CUX2: variants seen among roughly 807,000 people sequenced by gnomAD.
The protein encoded by CUX2 is cut like homeobox 2.
CUX2 carries 40 observed loss-of-function variants against 144.8 expected under a neutral mutation model. That is an observed-to-expected ratio of 0.28 (90% confidence interval 0.21 to 0.36). The LOEUF is 0.36. Among genes scored for constraint, CUX2 ranks in the 10% least tolerant of loss-of-function variants. The pLI is 1.00. For missense variants in CUX2, 1,615 were observed against 1,994.0 expected (o/e 0.81, Z 3.62); for synonymous variants, 827 against 875.6 (o/e 0.94, Z 0.98).
intron 1 of CUX2, among the ~76,000 whole-genome samples, chr12:111,154,911 T>G (rs1877282176): frequency 6.6e-6 from 1 of 152,304 alleles, no homozygotes; most frequent in East Asian, 1.9e-4. Flanking sequence ...TTTGGGGCAC[T>G]TGGGCAGTTG....
chr12:111,193,191 C>G (rs148674273), intron 1 of CUX2, among the ~76,000 whole-genome samples: 36 of 152,244 alleles, frequency 2.4e-4, no homozygotes, highest in Non-Finnish European at 4.1e-4. Flanking sequence ...CACAGGAGTC[C>G]AGGAGAGAGG....
chr12:111,276,613 C>G (rs1486722619), intron 4 of CUX2, among the ~76,000 whole-genome samples: 1 of 151,838 alleles, frequency 6.6e-6, no homozygotes, highest in African/African-American at 2.4e-5. Context: ...TGATAGCTCA[C>G]GTAGTTGTTT....
chr12:111,151,912 C>T (rs1422726910), intron 1 of CUX2, among the ~76,000 whole-genome samples: 3 of 152,140 alleles, frequency 2.0e-5, no homozygotes, highest in Non-Finnish European at 4.4e-5. Context: ...CCAAGGCCGT[C>T]AGTGACCCAG....
chr12:111,333,070 G>A (rs942437632), intron 18 of CUX2, among the ~76,000 whole-genome samples: 10 of 152,126 alleles, frequency 6.6e-5, no homozygotes, highest in African/African-American at 2.4e-4. Flanking sequence ...TTAGCCGGGT[G>A]TGGTGGCATG....
chr12:111,123,825 C>T (rs770108847), intron 1 of CUX2, among the ~76,000 whole-genome samples: 4 of 152,190 alleles, frequency 2.6e-5, no homozygotes, highest in South Asian at 4.1e-4. Context: ...CGTGAGCCAC[C>T]GCGCCCAGAC....
At chr12:111,102,403 A>G (rs1007034678) in intron 1 of CUX2, among the ~76,000 whole-genome samples, 3 of 152,156 alleles carry the variant, frequency 2.0e-5, no homozygotes, top group Admixed American at 6.5e-5. Flanking sequence ...GCACTTGTCC[A>G]AAGCCGACTG....
rs1261189027 is a variant in CUX2 at position 111,304,453 on chromosome 12, G to A, written c.858+139G>A. 2 of 674,766 alleles carry A rather than the reference G, an allele frequency of 3.0e-6. No homozygotes were observed. Among genetic ancestry groups the A allele is most frequent in the African/African-American group, 1.8e-5 (1 of 56,748 alleles). 41.8% of individuals were successfully genotyped at this position (674,766 alleles called of 1,614,324 possible). A position where few individuals can be genotyped will look rare whatever the true frequency, so the allele number is the denominator to read the frequency against. ...TTTGAAACTGGGAGTGTGAATGTGT[G>A]TGGGTCTCTGTGCATACGGTGAGCA... is the stretch of plus-strand genomic sequence containing the variant. On this transcript the variant is annotated intron_variant, in intron 10 of 21. Coordinates refer to ENST00000261726, the MANE Select transcript of CUX2 (RefSeq NM_015267.4). This position sits in a 1 kb window ranked among gnomAD's most constrained non-coding sequence, Gnocchi z 4.7.
chr12:111,126,762 T>A (rs1429070852), intron 1 of CUX2, among the ~76,000 whole-genome samples: 3 of 152,222 alleles, frequency 2.0e-5, no homozygotes, highest in Non-Finnish European at 2.9e-5. Flanking sequence ...CCAGTCAAGC[T>A]GACACATAAA....
In CUX2 at chr12:111,129,431, A is replaced by C. The variant is rs146080347; in HGVS notation, c.64-84769A>C. 4.7e-3 allele frequency among the ~76,000 whole-genome samples: 721 copies of C among 152,374 alleles called. 10 individuals carry two copies. Among genetic ancestry groups the C allele is most frequent in the African/African-American group, 0.016 (680 of 41,588 alleles). On this transcript the variant is annotated intron_variant, in intron 1 of 21. Transcript: ENST00000261726. ...CTTCCATCCAGTGGGCCTTATGGAAAGGGTTGGAGAACAAGGCCTTTGCCA... is the reference window on the plus strand; with the variant it reads ...CTTCCATCCAGTGGGCCTTATGGAACGGGTTGGAGAACAAGGCCTTTGCCA...
At position 111,334,806 on chromosome 12, in the gene CUX2, T is replaced by C. The variant is rs544299400; in HGVS notation, c.3196+96T>C. On this transcript the variant is annotated intron_variant, in intron 19 of 21. Coordinates refer to ENST00000261726, the MANE Select transcript of CUX2 (RefSeq NM_015267.4). Reference sequence around the variant, plus strand: ...TCTGGAGCTGGGACCCAGTGGCTCATACCTGTAATTCCAGTGCTTTGGGAG... The same window carrying C: ...TCTGGAGCTGGGACCCAGTGGCTCACACCTGTAATTCCAGTGCTTTGGGAG... 2.8e-5 allele frequency: 37 copies of C among 1,340,234 alleles called. No individual in the cohort carries two copies. The Admixed American group carries it at 6.0e-4, about 22-fold the overall frequency. 83.0% of individuals were successfully genotyped at this position (1,340,234 alleles called of 1,614,324 possible). A position where few individuals can be genotyped will look rare whatever the true frequency, so the allele number is the denominator to read the frequency against.
intron 4 of CUX2, among the ~76,000 whole-genome samples, chr12:111,272,056 C>T (rs1254653546): frequency 1.3e-5 from 2 of 152,200 alleles, no homozygotes. Context: ...TTTTAAAAAT[C>T]TTTCTCGCCT....
intron 1 of CUX2, among the ~76,000 whole-genome samples, chr12:111,120,706 G>A (rs939460002): frequency 1.0e-4 from 15 of 150,276 alleles, no homozygotes; most frequent in African/African-American, 3.2e-4. Context: ...ACCAACTGGT[G>A]TAATTTAAAC....
At chr12:111,109,258 A>C (rs1428255718) in intron 1 of CUX2, among the ~76,000 whole-genome samples, 1 of 152,228 alleles carries the variant, frequency 6.6e-6, no homozygotes, top group Non-Finnish European at 1.5e-5. Flanking sequence ...CCCTGAAGGA[A>C]AGTATGTTTA....
chr12:111,344,656 C>T (rs1342938400), intron 21 of CUX2, among the ~76,000 whole-genome samples: 3 of 152,132 alleles, frequency 2.0e-5, no homozygotes, highest in African/African-American at 7.2e-5. Flanking sequence ...TGGGCAAGGT[C>T]ACCTTTTTGG....
chr12:111,253,592 T>C (rs976081591), intron 3 of CUX2, among the ~76,000 whole-genome samples: 5 of 152,172 alleles, frequency 3.3e-5, no homozygotes, highest in Non-Finnish European at 7.3e-5. Flanking sequence ...ATTGCTCGCC[T>C]CTGCCTCTAA....
chr12:111,052,937 G>A (rs1007280810), intron 1 of CUX2, among the ~76,000 whole-genome samples: 1 of 152,204 alleles, frequency 6.6e-6, no homozygotes, highest in Non-Finnish European at 1.5e-5. Flanking sequence ...TGCCTCCCCA[G>A]GATTGCCTGC....
chr12:111,271,750 T>G (rs1884657413), intron 4 of CUX2, among the ~76,000 whole-genome samples: 1 of 152,242 alleles, frequency 6.6e-6, no homozygotes, highest in African/African-American at 2.4e-5. Flanking sequence ...AGCATTCATA[T>G]TTATACTTTT....
intron 21 of CUX2, among the ~76,000 whole-genome samples, chr12:111,343,625 CCT>C (rs2136451876): frequency 1.3e-5 from 2 of 152,262 alleles, no homozygotes; most frequent in South Asian, 4.1e-4. Context: ...GAGTCCATAC[CCT>C]CTCTCAGTCC....
chr12:111,112,932 C>T (rs1052241006), intron 1 of CUX2, among the ~76,000 whole-genome samples: 1 of 152,218 alleles, frequency 6.6e-6, no homozygotes, highest in Non-Finnish European at 1.5e-5. Flanking sequence ...CAGACTGAGC[C>T]TCAGTGCTTG....
Sources: gnomAD v4.1 joint callset for allele counts (sites outside exome capture counted in the v4.1 genomes callset) on GRCh38, gnomAD v4.1.1 for gene constraint, Gnocchi (gnomAD v3.1) non-coding constraint, MANE v1.5 for transcripts, NCBI Gene and HGNC (gene_info 2026-07-23, HGNC 2026-07-21) for gene names.